Variants in KCNH7 observed in about 807,000 individuals in gnomAD.
KCNH7 encodes the protein voltage-gated inwardly rectifying potassium channel KCNH7.
In KCNH7, 49 loss-of-function variants were observed where a neutral mutation model predicts 120.8. The ratio of observed to expected loss-of-function variants is 0.41; its 90% CI spans 0.32 to 0.51. The LOEUF is 0.51. Among genes scored for constraint, KCNH7 ranks in the 20% least tolerant of loss-of-function variants. KCNH7 has a pLI of 0.38. For missense variants in KCNH7, 1,097 were observed against 1,446.6 expected, an observed-to-expected ratio of 0.76 and a Z score of 3.92; for synonymous variants, 547 against 516.1, an observed-to-expected ratio of 1.06 and a Z score of -0.81.
At chr2:162,748,927 T>TTTCCC (rs1688435707) in intron 2 of KCNH7, among the ~76,000 whole-genome samples, 2 of 27,862 alleles carry the variant, frequency 7.2e-5, no homozygotes, top group Admixed American at 2.9e-4. Flanking sequence ...TTCCCTTTCC[T>TTTCCC]TTCCTTCCTT....
chr2:162,651,044 C>T (rs1464952921), intron 2 of KCNH7, among the ~76,000 whole-genome samples: 1 of 152,082 alleles, frequency 6.6e-6, no homozygotes, highest in Non-Finnish European at 1.5e-5. Context: ...AGGAGGACTG[C>T]TAAGTTTTTG....
chr2:162,793,540 T>A (rs1684032625), intron 2 of KCNH7, among the ~76,000 whole-genome samples: 1 of 151,960 alleles, frequency 6.6e-6, no homozygotes, highest in Admixed American at 6.6e-5. Context: ...GGTAAAAAGA[T>A]CTATATACTG....
chr2:162,539,718 G>T (rs1429268376), intron 2 of KCNH7, among the ~76,000 whole-genome samples: 2 of 152,072 alleles, frequency 1.3e-5, no homozygotes, highest in East Asian at 1.9e-4. Flanking sequence ...CACTATCATT[G>T]TTTCCTGTAC....
chr2:162,728,624 C>T (rs548280149), intron 2 of KCNH7, among the ~76,000 whole-genome samples: 6 of 152,144 alleles, frequency 3.9e-5, no homozygotes, highest in African/African-American at 1.4e-4. Context: ...ACTAAAACTA[C>T]AAAATTAGCC....
At chr2:162,805,027 G>A (rs1684490845) in intron 2 of KCNH7, among the ~76,000 whole-genome samples, 1 of 151,904 alleles carries the variant, frequency 6.6e-6, no homozygotes, top group Admixed American at 6.6e-5. Context: ...AAACTGGCTA[G>A]CTACACGAAG....
At chr2:162,606,272 G>C (rs111364036) in intron 2 of KCNH7, among the ~76,000 whole-genome samples, 1 of 151,984 alleles carries the variant, frequency 6.6e-6, no homozygotes, top group East Asian at 1.9e-4. Context: ...GAAACAAAGA[G>C]TATAAGTAAG....
intron 2 of KCNH7, among the ~76,000 whole-genome samples, chr2:162,594,694 T>A (rs1694317641): frequency 6.6e-6 from 1 of 151,298 alleles, no homozygotes; most frequent in African/African-American, 2.4e-5. Context: ...TTCTCGTCCT[T>A]ATTCCCTGAA....
At chr2:162,512,629 G>A in intron 5 of KCNH7, 25 bp downstream of exon 5, 1 of 1,605,622 alleles carries the variant, frequency 6.2e-7, no homozygotes, top group Non-Finnish European at 8.5e-7. Flanking sequence ...AACATCAGAT[G>A]GTGAAATTTG....
rs553837898 is a variant in KCNH7 at position 162,836,188 on chromosome 2, T to A, written c.307+349A>T. ...TTTAAAGTTCAAACAAGTAACACTG[T>A]ATCTGTATTTCTCGCCTACCAAATG... On this transcript the variant is annotated intron_variant, in intron 2 of 15. Coordinates refer to ENST00000332142, the MANE Select transcript of KCNH7 (RefSeq NM_033272.4). Among the ~76,000 whole-genome samples, 10 of 152,296 alleles carry A rather than the reference T, an allele frequency of 6.6e-5. No homozygotes were observed. In the East Asian group the frequency reaches 1.9e-3, roughly 29 times the overall value.
intron 2 of KCNH7, among the ~76,000 whole-genome samples, chr2:162,565,705 A>G (rs925973225): frequency 6.6e-6 from 1 of 152,070 alleles, no homozygotes; most frequent in African/African-American, 2.4e-5. Context: ...AAGATTATTT[A>G]TACGGTTTAT....
intron 2 of KCNH7, among the ~76,000 whole-genome samples, chr2:162,835,561 A>AT (rs1043005045): frequency 2.0e-5 from 3 of 152,092 alleles, no homozygotes; most frequent in East Asian, 1.9e-4. Context: ...ATAACATTCA[A>AT]TTTTTTAAAG....
chr2:162,553,420 C>A (rs954773778), intron 2 of KCNH7, among the ~76,000 whole-genome samples: 1 of 152,110 alleles, frequency 6.6e-6, no homozygotes, highest in Non-Finnish European at 1.5e-5. Context: ...AAGGCTGAGG[C>A]GGGCAGATCA....
chr2:162,599,933 A>G (rs2105949175), intron 2 of KCNH7, among the ~76,000 whole-genome samples: 1 of 152,176 alleles, frequency 6.6e-6, no homozygotes, highest in South Asian at 2.1e-4. Flanking sequence ...TTCAAACTTG[A>G]ATTTGTGCAG....
At chr2:162,761,905 A>G (rs1287171715) in intron 2 of KCNH7, among the ~76,000 whole-genome samples, 1 of 152,004 alleles carries the variant, frequency 6.6e-6, no homozygotes, top group Non-Finnish European at 1.5e-5. Context: ...TTTAATTCTG[A>G]TATTTCCTAT....
intron 2 of KCNH7, among the ~76,000 whole-genome samples, chr2:162,602,718 G>A (rs1323040335): frequency 2.0e-5 from 3 of 151,824 alleles, no homozygotes; most frequent in Admixed American, 6.6e-5. Flanking sequence ...TAACTCCTAT[G>A]ATCATTTCAT....
chr2:162,458,475 C>T (rs1689046029), intron 6 of KCNH7, among the ~76,000 whole-genome samples: 2 of 152,244 alleles, frequency 1.3e-5, no homozygotes, highest in South Asian at 4.1e-4. Flanking sequence ...CACCATGTAG[C>T]TGATACCAGA....
At chr2:162,523,732 T>C (rs1429960581) in intron 3 of KCNH7, among the ~76,000 whole-genome samples, 2 of 151,950 alleles carry the variant, frequency 1.3e-5, no homozygotes, top group African/African-American at 4.8e-5. Context: ...AAATTATCCA[T>C]CTACTTTCAA....
chr2:162,416,450 T>C (rs1687544648), intron 9 of KCNH7, among the ~76,000 whole-genome samples: 1 of 151,816 alleles, frequency 6.6e-6, no homozygotes, highest in Non-Finnish European at 1.5e-5. Flanking sequence ...TAAATCCCTA[T>C]CTTGGAAAAC....
intron 2 of KCNH7, among the ~76,000 whole-genome samples, chr2:162,635,771 C>G (rs1474057248): frequency 1.3e-5 from 2 of 152,014 alleles, no homozygotes; most frequent in Non-Finnish European, 2.9e-5. Flanking sequence ...CAGTTCTTTG[C>G]TATTAAACAT....
Sources: allele counts gnomAD v4.1 joint callset (sites outside exome capture counted in the v4.1 genomes callset), GRCh38; gene constraint gnomAD v4.1.1; transcripts MANE v1.5; gene names NCBI Gene and HGNC (gene_info 2026-07-23, HGNC 2026-07-21).